Variants in ZFC3H1 observed in about 807,000 individuals in gnomAD.
ZFC3H1 encodes the protein zinc finger C3H1-type containing.
In ZFC3H1, 71 loss-of-function variants were observed where a neutral mutation model predicts 243.7. The ratio of observed to expected loss-of-function variants is 0.29; its 90% CI spans 0.24 to 0.36. ZFC3H1 has a LOEUF of 0.36. ZFC3H1 is among the 10% of genes least tolerant of loss of function. The probability of loss-of-function intolerance (pLI) is 1.00; values close to 1 mark genes in which losing one functional copy is unlikely to be tolerated. For synonymous variants in ZFC3H1, 838 were observed against 813.0 expected (o/e 1.03, Z -0.52); for missense variants, 1,966 against 2,317.1 (o/e 0.85, Z 3.11).
In ZFC3H1 at chr12:71,615,193, G is replaced by C; in HGVS notation, c.5255+13C>G. 1 of 1,576,430 alleles carries C rather than the reference G, an allele frequency of 6.3e-7. No individual in the cohort carries two copies. The highest frequency in any genetic ancestry group is 8.7e-7 in the Non-Finnish European group (1 of 1,148,312). On this transcript the variant is annotated intron_variant, in intron 28 of 34. Coordinates refer to ENST00000378743, the MANE Select transcript of ZFC3H1 (RefSeq NM_144982.5). ...GCCTAGTATGCAATATCTCTCCACA[G>C]TGGATGTCTCACCAGTAAATCAGCC...
In ZFC3H1 at chr12:71,627,858, T is replaced by C; in HGVS notation, c.4023A>G (p.Thr1341=). Residue 1341 remains threonine (T), a synonymous_variant, in exon 21 of 35, where the codon ACA becomes ACG. Transcript: ENST00000378743. ...AATTAGCGATGTCATCAGTCTCATT[T>C]GTAAAGTATCTGACATCATCTGGAG... is the stretch of plus-strand genomic sequence containing the variant. ...VVTPDDVRYF[T]NETDDIANLE... 1 of 1,613,902 alleles carries C rather than the reference T, an allele frequency of 6.2e-7. No homozygotes were observed. Among genetic ancestry groups the C allele is most frequent in the Non-Finnish European group, 8.5e-7 (1 of 1,179,906 alleles).
rs145088430 is a variant in ZFC3H1, at chr12:71,616,045, T to G, written c.5145-729A>C. Among the ~76,000 whole-genome samples, 1,011 of 152,244 alleles carry G rather than the reference T, an allele frequency of 6.6e-3. 13 individuals are homozygous for G. The highest frequency in any genetic ancestry group is 0.022 in the African/African-American group (925 of 41,558). ...TGGCTCACACCTGTAATCCCAGCACTTTGGGAGGCTGAGGCGGGTGGTTCA... is the reference window on the plus strand; with the variant it reads ...TGGCTCACACCTGTAATCCCAGCACGTTGGGAGGCTGAGGCGGGTGGTTCA... On this transcript the variant is annotated intron_variant, in intron 27 of 34. Transcript: ENST00000378743.
chr12:71,626,157 G>GT, intron 22 of ZFC3H1, 103 bp downstream of exon 22: 1 of 1,224,990 alleles, frequency 8.2e-7, no homozygotes, highest in Non-Finnish European at 1.1e-6. Context: ...TTCAGATAAA[G>GT]CATATGCTCT....
intron 20 of ZFC3H1, 138 bp from the exon 21 acceptor site, chr12:71,628,072 A>T (rs1466177738): frequency 1.1e-5 from 9 of 804,072 alleles, no homozygotes; most frequent in Non-Finnish European, 1.5e-5. Flanking sequence ...CACAGCTTTA[A>T]GGTAGAGCTA....
Position 71,619,437 on chromosome 12 carries a change from A to G in ZFC3H1, c.5050-28T>C, listed in dbSNP as rs760543970. 2.5e-6 allele frequency: 4 copies of G among 1,593,030 alleles called. 1 individual carries two copies. The South Asian group carries it at 4.4e-5, about 18-fold the overall frequency. On this transcript the variant is annotated intron_variant, in intron 26 of 34. Coordinates refer to ENST00000378743, the MANE Select transcript of ZFC3H1 (RefSeq NM_144982.5). The stretch of plus-strand genomic sequence containing the variant: ...ATTTTAAAAAGAGGGAGGGGGATAT[A>G]TATCAGGCTTACAATGTTTAATTAA...
intron 3 of ZFC3H1, among the ~76,000 whole-genome samples, 180 bp downstream of exon 3, chr12:71,647,569 G>C (rs376539769): frequency 1.3e-5 from 2 of 152,038 alleles, no homozygotes; most frequent in East Asian, 3.8e-4. Context: ...CAGAACCCAG[G>C]GAAAAGAGAC....
chr12:71,640,223 T>C (rs1880566503), intron 6 of ZFC3H1, among the ~76,000 whole-genome samples: 1 of 152,182 alleles, frequency 6.6e-6, no homozygotes, highest in South Asian at 2.1e-4. Context: ...GGTTTCACCA[T>C]GTTGGCCAGG....
intron 9 of ZFC3H1, 82 bp downstream of exon 9, chr12:71,636,408 G>A (rs1880462494): frequency 3.8e-6 from 5 of 1,320,218 alleles, no homozygotes; most frequent in African/African-American, 1.5e-5. Context: ...ATAAACCAAG[G>A]GGTAGAAAAC....
intron 21 of ZFC3H1, among the ~76,000 whole-genome samples, chr12:71,627,439 A>T (rs1019086513): frequency 3.9e-5 from 6 of 152,156 alleles, no homozygotes; most frequent in Non-Finnish European, 8.8e-5. Context: ...TGATTTTTTT[A>T]AAAAACAATC....
intron 22 of ZFC3H1, among the ~76,000 whole-genome samples, chr12:71,625,864 C>A (rs762994469): frequency 2.6e-5 from 4 of 152,204 alleles, no homozygotes; most frequent in Middle Eastern, 3.4e-3. Context: ...TGTTTCCTGG[C>A]AGTCATTATA....
At chr12:71,655,617 T>C (rs17110106) in intron 2 of ZFC3H1, among the ~76,000 whole-genome samples, 4,768 of 152,216 alleles carry the variant, frequency 0.031, 211 homozygotes, top group African/African-American at 0.11. Context: ...ACATAAACTG[T>C]CTTAACAGAA....
intron 2 of ZFC3H1, 76 bp from the exon 3 acceptor site, chr12:71,647,889 T>G: frequency 1.8e-6 from 1 of 558,578 alleles, no homozygotes; most frequent in Non-Finnish European, 2.9e-6. Flanking sequence ...CTATATAATA[T>G]CTGGTAATTA....
chr12:71,621,805 A>ACCC (rs571063064), intron 24 of ZFC3H1, among the ~76,000 whole-genome samples: 3 of 149,204 alleles, frequency 2.0e-5, no homozygotes, highest in African/African-American at 7.5e-5. Flanking sequence ...TTAATCTTCA[A>ACCC]CCCCCCCGCC....
intron 12 of ZFC3H1, 114 bp from the exon 13 acceptor site, chr12:71,633,552 A>G (rs2137536546): frequency 2.6e-6 from 2 of 769,032 alleles, no homozygotes; most frequent in East Asian, 5.7e-5. Context: ...TACGAGACAC[A>G]GATAAAAATG....
intron 1 of ZFC3H1, among the ~76,000 whole-genome samples, chr12:71,661,036 G>A (rs2137568510): frequency 6.6e-6 from 1 of 152,000 alleles, no homozygotes; most frequent in Non-Finnish European, 1.5e-5. Flanking sequence ...GGGCACGGTG[G>A]CTCATGCCTG....
chr12:71,614,396 CAT>C (rs1401321987), intron 30 of ZFC3H1, 137 bp downstream of exon 30: 4 of 736,184 alleles, frequency 5.4e-6, no homozygotes, highest in Admixed American at 3.7e-5. Context: ...AAATAAGAAA[CAT>C]AGTCAAGAAT....
chr12:71,655,140 C>CA (rs1438319930), intron 2 of ZFC3H1, among the ~76,000 whole-genome samples: 1 of 151,960 alleles, frequency 6.6e-6, no homozygotes. Flanking sequence ...AGAACTCTTA[C>CA]AAAAAACTGA....
At chr12:71,619,254 A>G in intron 27 of ZFC3H1, 61 bp downstream of exon 27, 1 of 1,457,592 alleles carries the variant, frequency 6.9e-7, no homozygotes, top group Non-Finnish European at 9.3e-7. Context: ...AAAAACTGTA[A>G]TCTTTCTACT....
chr12:71,633,663 T>G, intron 12 of ZFC3H1, among the ~76,000 whole-genome samples: 1 of 152,118 alleles, frequency 6.6e-6, no homozygotes, highest in East Asian at 1.9e-4. Flanking sequence ...AAAAAAAAAT[T>G]TAAGCCTGAG....
Sources: gnomAD v4.1 joint callset for allele counts (sites outside exome capture counted in the v4.1 genomes callset) on GRCh38, gnomAD v4.1.1 for gene constraint, MANE v1.5 for transcripts, NCBI Gene and HGNC (gene_info 2026-07-23, HGNC 2026-07-21) for gene names.